The following GABRG1 variants were observed in gnomAD, a reference collection of about 807,000 sequenced individuals.
GABRG1 encodes the protein gamma-aminobutyric acid receptor subunit gamma-1.
GABRG1 carries 49 observed loss-of-function variants against 49.8 expected under a neutral mutation model. That is an observed-to-expected ratio of 0.98 (90% CI 0.78 to 1.25). GABRG1 has a LOEUF of 1.25. Among genes scored for constraint, GABRG1 ranks in the 50% most tolerant of loss-of-function variants. GABRG1 has a pLI of 0.00. For missense variants in GABRG1, 552 were observed against 552.3 expected (o/e 1.00, Z 0.01); for synonymous variants, 232 against 185.1 (o/e 1.25, Z -2.06).
At chr4:46,115,249 A>T (rs1577672200) in intron 1 of GABRG1, among the ~76,000 whole-genome samples, 1 of 150,698 alleles carries the variant, frequency 6.6e-6, no homozygotes, top group Non-Finnish European at 1.5e-5. Flanking sequence ...TGAAAACAAA[A>T]TTAAGCTTTC....
intron 1 of GABRG1, among the ~76,000 whole-genome samples, chr4:46,116,543 G>T (rs1287306843): frequency 1.3e-5 from 2 of 150,828 alleles, no homozygotes; most frequent in Admixed American, 1.3e-4. Context: ...CCTTAAAAGT[G>T]GAAGAAAGAA....
intron 8 of GABRG1, among the ~76,000 whole-genome samples, chr4:46,045,600 T>C (rs1717964287): frequency 8.8e-6 from 1 of 113,496 alleles, no homozygotes; most frequent in Non-Finnish European, 1.8e-5. Flanking sequence ...GAAAGTTTCT[T>C]AAGAAAAGAA....
At chr4:46,062,088 C>T (rs1313039565) in intron 5 of GABRG1, among the ~76,000 whole-genome samples, 1 of 135,564 alleles carries the variant, frequency 7.4e-6, no homozygotes, top group African/African-American at 2.8e-5. Flanking sequence ...CATGTGTTCT[C>T]ATTGTTCAAT....
intron 5 of GABRG1, among the ~76,000 whole-genome samples, chr4:46,064,092 A>G (rs1718815926): frequency 6.6e-6 from 1 of 152,148 alleles, no homozygotes; most frequent in Non-Finnish European, 1.5e-5. Context: ...TGCCTCCAGG[A>G]ACATGAATAT....
chr4:46,097,891 G>A (rs1022862840), intron 1 of GABRG1, among the ~76,000 whole-genome samples: 3 of 151,544 alleles, frequency 2.0e-5, no homozygotes, highest in Admixed American at 6.6e-5. Flanking sequence ...CTTTTAAGTC[G>A]GAAGAACCCA....
intron 1 of GABRG1, among the ~76,000 whole-genome samples, chr4:46,120,892 T>C (rs962917711): frequency 2.0e-5 from 3 of 151,750 alleles, no homozygotes; most frequent in Non-Finnish European, 4.4e-5. Context: ...ACAGCTAAAA[T>C]ATCTTTTTAA....
chr4:46,123,436 C>T (rs1278128949), intron 1 of GABRG1, among the ~76,000 whole-genome samples: 2 of 151,912 alleles, frequency 1.3e-5, no homozygotes, highest in African/African-American at 2.4e-5. Flanking sequence ...TCTGAAATAA[C>T]TTTGTTTTTA....
intron 2 of GABRG1, among the ~76,000 whole-genome samples, chr4:46,090,526 T>A (rs1719941214): frequency 6.6e-6 from 1 of 152,002 alleles, no homozygotes; most frequent in Non-Finnish European, 1.5e-5. Flanking sequence ...TATATATAGT[T>A]CTCTATATAT....
chr4:46,083,302 T>C (rs944589134), intron 3 of GABRG1, among the ~76,000 whole-genome samples: 54 of 151,696 alleles, frequency 3.6e-4, no homozygotes, highest in African/African-American at 1.2e-3. Context: ...TAACCTGTAA[T>C]GGGTCTCTGT....
At chr4:46,091,800 T>C (rs909695090) in intron 2 of GABRG1, among the ~76,000 whole-genome samples, 7 of 152,054 alleles carry the variant, frequency 4.6e-5, no homozygotes, top group African/African-American at 1.7e-4. Flanking sequence ...AAAGCAGCTA[T>C]GTTTCAACCC....
At chr4:46,092,142 C>T (rs569378391) in intron 2 of GABRG1, among the ~76,000 whole-genome samples, 16 of 151,764 alleles carry the variant, frequency 1.1e-4, no homozygotes, top group Admixed American at 6.6e-4. Context: ...GAGACTTGCA[C>T]CAAAAGAAAT....
intron 1 of GABRG1, among the ~76,000 whole-genome samples, chr4:46,117,789 T>G (rs1303281217): frequency 7.1e-6 from 1 of 140,462 alleles, no homozygotes; most frequent in African/African-American, 2.6e-5. Context: ...TACATGTATA[T>G]ACATATATAC....
intron 1 of GABRG1, among the ~76,000 whole-genome samples, chr4:46,104,515 C>T (rs1263557726): frequency 6.6e-6 from 1 of 151,400 alleles, no homozygotes; most frequent in Non-Finnish European, 1.5e-5. Context: ...TACATATAGC[C>T]ATAATACATT....
In GABRG1 at chr4:46,097,188, A is replaced by T. The variant is rs1226886699; in HGVS notation, c.253+13T>A. 2 of 1,591,766 alleles carry T rather than the reference A, an allele frequency of 1.3e-6. No individual in the cohort carries two copies. The highest frequency in any genetic ancestry group is 4.5e-5 in the East Asian group (2 of 44,302). On this transcript the variant is annotated intron_variant, in intron 2 of 8. Coordinates refer to ENST00000295452, the MANE Select transcript of GABRG1 (RefSeq NM_173536.4). ...ATGGTCATCAAAATCCCAGAATGGTAACTCAAGCTTACCTCCTATATCTGG... is the reference window on the plus strand; with the variant it reads ...ATGGTCATCAAAATCCCAGAATGGTTACTCAAGCTTACCTCCTATATCTGG...
intron 5 of GABRG1, 131 bp downstream of exon 5, chr4:46,064,310 T>A (rs1014609171): frequency 2.0e-6 from 1 of 498,078 alleles, no homozygotes; most frequent in Non-Finnish European, 3.6e-6. Context: ...TATTTGTAAT[T>A]ATTTTATCTA....
chr4:46,053,106 T>C (rs1308883400), intron 7 of GABRG1, among the ~76,000 whole-genome samples: 1 of 151,930 alleles, frequency 6.6e-6, no homozygotes, highest in African/African-American at 2.4e-5. Context: ...TTGTAGTAAA[T>C]ATACACAAAA....
At chr4:46,087,312 C>T (rs145363218) in intron 2 of GABRG1, among the ~76,000 whole-genome samples, 36 of 151,506 alleles carry the variant, frequency 2.4e-4, no homozygotes, top group Non-Finnish European at 5.0e-4. Flanking sequence ...GGAAGTGGGG[C>T]CAAGTATTCA....
intron 3 of GABRG1, among the ~76,000 whole-genome samples, chr4:46,070,225 T>C (rs1301817752): frequency 1.3e-5 from 2 of 151,908 alleles, no homozygotes; most frequent in Non-Finnish European, 2.9e-5. Context: ...GAACTGAAAA[T>C]CCTAGCACTT....
chr4:46,087,153 TC>T (rs1252145065), intron 2 of GABRG1, among the ~76,000 whole-genome samples: 1 of 151,680 alleles, frequency 6.6e-6, no homozygotes, highest in Non-Finnish European at 1.5e-5. Context: ...GAGTTGAGTA[TC>T]CTTTCTCTAT....
Sources: gnomAD v4.1 joint callset for allele counts (sites outside exome capture counted in the v4.1 genomes callset) on GRCh38, gnomAD v4.1.1 for gene constraint, MANE v1.5 for transcripts, NCBI Gene and HGNC (gene_info 2026-07-23, HGNC 2026-07-21) for gene names.